IPPK: variants seen among roughly 807,000 people sequenced by gnomAD.
IPPK encodes inositol-pentakisphosphate 2-kinase.
Under a neutral mutation model 64.6 loss-of-function variants are expected in IPPK, and 22 were observed. The observed-to-expected ratio is 0.34, with a 90% CI of 0.24 to 0.49. The LOEUF is 0.49. IPPK is among the 20% of genes least tolerant of loss of function. The pLI, the probability that IPPK is intolerant of heterozygous loss-of-function variation, is 0.99. For synonymous variants in IPPK, 262 were observed against 247.2 expected, an observed-to-expected ratio of 1.06 and a Z score of -0.56; for missense variants, 532 against 630.7, an observed-to-expected ratio of 0.84 and a Z score of 1.68.
chr9:92,636,928 A>C (rs1438413898), intron 9 of IPPK, among the ~76,000 whole-genome samples: 1 of 152,110 alleles, frequency 6.6e-6, no homozygotes, highest in Non-Finnish European at 1.5e-5. Context: ...GCTTCCTTAA[A>C]AGCAATTATG....
chr9:92,647,529 C>G (rs1852171572), intron 6 of IPPK, among the ~76,000 whole-genome samples: 1 of 152,008 alleles, frequency 6.6e-6, no homozygotes, highest in Admixed American at 6.6e-5. Flanking sequence ...AATTCAGCAG[C>G]ATATAAAAGT....
At chr9:92,659,363 T>A (rs1311304984) in intron 1 of IPPK, among the ~76,000 whole-genome samples, 1 of 152,210 alleles carries the variant, frequency 6.6e-6, no homozygotes, top group East Asian at 1.9e-4. Context: ...ACACTTCAAG[T>A]TTTTAAAATA....
At chr9:92,618,912 G>A (rs1247466699) in intron 12 of IPPK, 2 of 310,952 alleles carry the variant, frequency 6.4e-6, no homozygotes, top group African/African-American at 2.2e-5. Context: ...ATCGGTGATG[G>A]AGATGCTGTC....
intron 11 of IPPK, among the ~76,000 whole-genome samples, chr9:92,630,383 G>A (rs1235044153): frequency 6.6e-6 from 1 of 152,156 alleles, no homozygotes; most frequent in Non-Finnish European, 1.5e-5. Context: ...TGGGGGTCAT[G>A]GGGAGACAAT....
In IPPK at chr9:92,615,793, A is replaced by C. The variant is rs1385913778; in HGVS notation, c.*39T>G. The C allele has an allele frequency of 3.1e-5, 45 of 1,467,248 alleles. No homozygotes were observed. Among genetic ancestry groups the C allele is most frequent in the Non-Finnish European group, 4.2e-5 (44 of 1,047,940 alleles). The allele number at this position is 1,467,248 out of a possible 1,614,324, so 90.9% of individuals were successfully genotyped here. A position where few individuals can be genotyped will look rare whatever the true frequency, so the allele number is the denominator to read the frequency against. On this transcript the variant is annotated 3_prime_UTR_variant, in exon 13 of 13. Coordinates refer to ENST00000287996, the MANE Select transcript of IPPK (RefSeq NM_022755.6). ...AAAATATCTCTATCATTCAGCCTTC[A>C]CATTATGTTCAAGTTTCAAAGACAC...
chr9:92,628,464 T>C (rs1439652153), intron 11 of IPPK, among the ~76,000 whole-genome samples: 2 of 152,234 alleles, frequency 1.3e-5, no homozygotes, highest in African/African-American at 4.8e-5. Context: ...CTGGCATAAG[T>C]GCAGACATAT....
At chr9:92,634,160 G>A (rs920491657) in intron 11 of IPPK, among the ~76,000 whole-genome samples, 1 of 152,216 alleles carries the variant, frequency 6.6e-6, no homozygotes, top group South Asian at 2.1e-4. Context: ...CACCAGGAAC[G>A]GGCCAGGGCA....
intron 4 of IPPK, among the ~76,000 whole-genome samples, chr9:92,651,765 G>C (rs1038242735): frequency 6.6e-6 from 1 of 152,186 alleles, no homozygotes; most frequent in Non-Finnish European, 1.5e-5. Context: ...CCTGGGGTTG[G>C]AGTACAGTGG....
At chr9:92,630,469 G>A (rs771085941) in intron 11 of IPPK, among the ~76,000 whole-genome samples, 2 of 152,100 alleles carry the variant, frequency 1.3e-5, no homozygotes, top group South Asian at 2.1e-4. Flanking sequence ...ATGATTGCAC[G>A]TATCTTTCAA....
intron 1 of IPPK, among the ~76,000 whole-genome samples, chr9:92,659,557 G>A (rs944753445): frequency 1.6e-4 from 24 of 152,196 alleles, no homozygotes; most frequent in Admixed American, 1.4e-3. Flanking sequence ...TACATTATAT[G>A]TAGGAGGAGA....
chr9:92,637,870 C>T, intron 9 of IPPK, 131 bp downstream of exon 9: 2 of 977,304 alleles, frequency 2.0e-6, no homozygotes, highest in Non-Finnish European at 2.9e-6. Flanking sequence ...TGCTGGGAGC[C>T]CTGGCGTAAC....
intron 2 of IPPK, 62 bp from the exon 3 acceptor site, chr9:92,656,613 G>T: frequency 8.8e-7 from 1 of 1,142,556 alleles, no homozygotes. Flanking sequence ...CCTTGCTTGA[G>T]GGGAGAGGCA....
intron 8 of IPPK, 86 bp from the exon 9 acceptor site, chr9:92,638,366 C>T: frequency 6.7e-7 from 1 of 1,489,822 alleles, no homozygotes; most frequent in Non-Finnish European, 9.1e-7. Context: ...GCATCCCAGG[C>T]AGCGGGTGAA....
At chr9:92,645,280 C>G (rs1311669787) in intron 6 of IPPK, among the ~76,000 whole-genome samples, 3 of 151,910 alleles carry the variant, frequency 2.0e-5, no homozygotes, top group Non-Finnish European at 2.9e-5. Flanking sequence ...GTCCCAGCTA[C>G]TTGGTGGGGG....
chr9:92,637,713 A>T (rs1851967755), intron 9 of IPPK, among the ~76,000 whole-genome samples: 1 of 152,232 alleles, frequency 6.6e-6, no homozygotes, highest in Admixed American at 6.5e-5. Flanking sequence ...ATGGTTGAAA[A>T]CATTCAACAA....
intron 1 of IPPK, among the ~76,000 whole-genome samples, chr9:92,668,783 C>T (rs1852659422): frequency 6.6e-6 from 1 of 152,170 alleles, no homozygotes; most frequent in South Asian, 2.1e-4. Context: ...CTTTAGTTCC[C>T]TGTGCTAATG....
At position 92,635,027 on chromosome 9, in the gene IPPK, G is replaced by A. The variant is rs1219545451; in HGVS notation, c.1067+131C>T. The A allele has an allele frequency of 2.1e-5, 17 of 826,502 alleles. No homozygotes were observed. Among genetic ancestry groups the A allele is most frequent in the Non-Finnish European group, 2.8e-5 (15 of 534,532 alleles). The allele number at this position is 826,502 out of a possible 1,614,324, so 51.2% of individuals were successfully genotyped here. A position where few individuals can be genotyped will look rare whatever the true frequency, so the allele number is the denominator to read the frequency against. On this transcript the variant is annotated intron_variant, in intron 10 of 12. Transcript: ENST00000287996. This position sits in a 1 kb window ranked among gnomAD's most constrained non-coding sequence, Gnocchi z 4.4. ...GCAGGCCTGGGCACCTGGGAGCGGA[G>A]GACTGGGGTAGGAAGTGGCCGGCAT...
Position 92,665,885 on chromosome 9 carries a change from G to C in IPPK, c.81+4023C>G, listed in dbSNP as rs1018306850. Reference sequence around the variant, plus strand: ...ACACAAGATGAGAAGAGAAACAGTAGAAGGGCACCTGACCGCTTGAGCTTC... The same window carrying C: ...ACACAAGATGAGAAGAGAAACAGTACAAGGGCACCTGACCGCTTGAGCTTC... On this transcript the variant is annotated intron_variant, in intron 1 of 12. Transcript: ENST00000287996. 2.0e-5 allele frequency among the ~76,000 whole-genome samples: 3 copies of C among 152,266 alleles called. No homozygotes were observed. The East Asian group carries it at 5.8e-4, about 29-fold the overall frequency.
At chr9:92,666,811 T>G (rs1262523340) in intron 1 of IPPK, among the ~76,000 whole-genome samples, 1 of 152,190 alleles carries the variant, frequency 6.6e-6, no homozygotes, top group African/African-American at 2.4e-5. Flanking sequence ...TGGCCTGCTA[T>G]TTACCTTCCT....
Sources: allele counts gnomAD v4.1 joint callset (sites outside exome capture counted in the v4.1 genomes callset), GRCh38; gene constraint gnomAD v4.1.1; non-coding constraint Gnocchi (gnomAD v3.1); transcripts MANE v1.5; gene names NCBI Gene and HGNC (gene_info 2026-07-23, HGNC 2026-07-21).